The following NCKAP5 variants were observed in gnomAD, a reference collection of about 807,000 sequenced individuals.
The protein encoded by NCKAP5 is NCK associated protein 5.
Under a neutral mutation model 167.0 loss-of-function variants are expected in NCKAP5, and 92 were observed. That is an observed-to-expected ratio of 0.55 (90% CI 0.47 to 0.66). NCKAP5 has a LOEUF of 0.66. Ranked by LOEUF, NCKAP5 falls within the 30% of genes least tolerant of loss-of-function variation. NCKAP5 has a pLI of 0.00. For missense variants in NCKAP5, 2,378 were observed against 2,315.0 expected, an observed-to-expected ratio of 1.03 and a Z score of -0.56; for synonymous variants, 891 against 877.4, an observed-to-expected ratio of 1.02 and a Z score of -0.27.
At chr2:133,458,813 T>G (rs1692017094) in intron 3 of NCKAP5, among the ~76,000 whole-genome samples, 1 of 152,072 alleles carries the variant, frequency 6.6e-6, no homozygotes, top group Non-Finnish European at 1.5e-5. Flanking sequence ...CAAGCCACAG[T>G]CTGTTTAAAT....
At chr2:132,851,191 G>C (rs952337674) in intron 11 of NCKAP5, among the ~76,000 whole-genome samples, 1 of 152,032 alleles carries the variant, frequency 6.6e-6, no homozygotes, top group Admixed American at 6.6e-5. Flanking sequence ...ACATTTCCTC[G>C]GTCTCTCAAG....
chr2:132,782,943 G>T lies in NCKAP5; in HGVS notation c.3868C>A (p.Pro1290Thr). 1 of 1,614,016 alleles carries T rather than the reference G, an allele frequency of 6.2e-7. No homozygotes were observed. Among genetic ancestry groups the T allele is most frequent in the Non-Finnish European group, 8.5e-7 (1 of 1,179,900 alleles). Residue 1290 changes from proline to threonine, a missense_variant, in exon 14 of 20, where the codon CCC (proline) becomes ACC (threonine). Physicochemically the swap from Pro to Thr is conservative, Grantham distance 38 (BLOSUM62 -1). Coordinates refer to ENST00000409261, the MANE Select transcript of NCKAP5 (RefSeq NM_207363.3). The stretch of plus-strand genomic sequence containing the variant: ...CGGACTTTGCCTGACCCTTCGATGG[G>T]GGGCGTAGAAGGCTTGTCTCCTGAG... ...THSGDKPSTP[P>T]IEGSGKVRTQ...
chr2:133,413,735 A>G lies in NCKAP5; in HGVS notation c.69+103723T>C, dbSNP rs10170392. Among the ~76,000 whole-genome samples the G allele has an allele frequency of 3.8e-3, 578 of 152,236 alleles. 2 individuals carry two copies. The highest frequency in any genetic ancestry group is 6.0e-3 in the Non-Finnish European group (405 of 68,012). ...CAGGCCCACCCTGTGTTCCCACAAT[A>G]ACATGTTCTCCCGTAACAATCAGAA... On this transcript the variant is annotated intron_variant, in intron 3 of 19. Transcript: ENST00000409261.
chr2:133,129,332 G>C (rs1169678652), intron 6 of NCKAP5, among the ~76,000 whole-genome samples: 1 of 151,874 alleles, frequency 6.6e-6, no homozygotes, highest in Non-Finnish European at 1.5e-5. Flanking sequence ...ACCTATGAGT[G>C]AGAACATGTG....
intron 6 of NCKAP5, chr2:133,117,123 G>A (rs185706840): frequency 2.0e-5 from 3 of 152,112 alleles, no homozygotes; most frequent in South Asian, 2.1e-4. Context: ...AATATCTTCC[G>A]TAGAGGACTG....
intron 16 of NCKAP5, among the ~76,000 whole-genome samples, chr2:132,740,524 T>C (rs1679092702): frequency 1.3e-5 from 2 of 152,180 alleles, no homozygotes; most frequent in South Asian, 2.1e-4. Context: ...GTTTACCCCA[T>C]GGTTTTCTCC....
chr2:133,146,032 C>T (rs1559190145), intron 5 of NCKAP5, among the ~76,000 whole-genome samples: 2 of 152,036 alleles, frequency 1.3e-5, no homozygotes. Flanking sequence ...TGCAACCATA[C>T]TGCTCATGTT....
At chr2:133,302,862 CT>C (rs1680495137) in intron 4 of NCKAP5, among the ~76,000 whole-genome samples, 174 bp downstream of exon 4, 1 of 152,008 alleles carries the variant, frequency 6.6e-6, no homozygotes, top group African/African-American at 2.4e-5. Context: ...AATTTGGGCT[CT>C]AGTTTTCACA....
At chr2:133,654,592 G>A in the NCKAP5 span, among the ~76,000 whole-genome samples, 1,087 of 152,168 alleles carry the variant, frequency 7.1e-3, 13 homozygotes, top group African/African-American at 0.025. Flanking sequence ...TATGTGGCTC[G>A]TGTCTTATCT....
chr2:133,248,794 G>A (rs745961894), intron 4 of NCKAP5, among the ~76,000 whole-genome samples: 9 of 152,178 alleles, frequency 5.9e-5, no homozygotes, highest in South Asian at 2.1e-4. Flanking sequence ...TGACTGCTCC[G>A]GTTCGTTCCC....
At chr2:132,713,644 G>A (rs897781147) in intron 19 of NCKAP5, among the ~76,000 whole-genome samples, 8 of 151,950 alleles carry the variant, frequency 5.3e-5, no homozygotes, top group African/African-American at 9.7e-5. Context: ...GGAGATATCC[G>A]GGAAAGAAAC....
intron 19 of NCKAP5, among the ~76,000 whole-genome samples, chr2:132,719,025 A>T (rs2105373375): frequency 6.6e-6 from 1 of 152,312 alleles, no homozygotes; most frequent in Admixed American, 6.5e-5. Flanking sequence ...TGAACCTTAA[A>T]GATGAAGCAG....
At chr2:133,367,241 C>G (rs1685508737) in intron 3 of NCKAP5, among the ~76,000 whole-genome samples, 1 of 152,110 alleles carries the variant, frequency 6.6e-6, no homozygotes, top group Non-Finnish European at 1.5e-5. Context: ...ATCATGGAAC[C>G]TAAGAAATTA....
chr2:133,134,575 C>A (rs2082721904), intron 5 of NCKAP5, among the ~76,000 whole-genome samples: 1 of 152,182 alleles, frequency 6.6e-6, no homozygotes, highest in Non-Finnish European at 1.5e-5. Flanking sequence ...AAATACTTTT[C>A]CTATTTGGAC....
chr2:133,126,792 A>G (rs1289805160), intron 6 of NCKAP5, among the ~76,000 whole-genome samples: 6 of 152,066 alleles, frequency 3.9e-5, no homozygotes, highest in Non-Finnish European at 8.8e-5. Context: ...GGAATCTTAG[A>G]GCTAAATTAC....
chr2:133,087,802 C>T (rs2081041800), intron 6 of NCKAP5, among the ~76,000 whole-genome samples: 1 of 152,198 alleles, frequency 6.6e-6, no homozygotes, highest in Non-Finnish European at 1.5e-5. Flanking sequence ...TGTAGATGTT[C>T]AAGAGCTCCT....
In NCKAP5 at chr2:132,699,228, G is replaced by A. The variant is rs953513560; in HGVS notation, c.5714-25923C>T. On this transcript the variant is annotated intron_variant, in intron 19 of 19. Transcript: ENST00000409261. ...GATAGTAGACAGTGATATAAATCCT[G>A]ATTCTAAGTGTAAAAGGTGTCCCAC... Among the ~76,000 whole-genome samples the A allele has an allele frequency of 2.6e-5, 4 of 152,178 alleles. No individual in the cohort carries two copies. In the East Asian group the frequency reaches 7.7e-4, roughly 29 times the overall value.
intron 8 of NCKAP5, 25 bp from the exon 9 acceptor site, chr2:132,878,941 C>T (rs751039140): frequency 1.9e-5 from 30 of 1,567,464 alleles, no homozygotes; most frequent in Non-Finnish European, 2.6e-5. Flanking sequence ...AAAAATAACA[C>T]AAATAAATCA....
chr2:132,834,624 C>G (rs560555985), intron 11 of NCKAP5, among the ~76,000 whole-genome samples: 1 of 152,086 alleles, frequency 6.6e-6, no homozygotes, highest in African/African-American at 2.4e-5. Context: ...GGATTACAGG[C>G]GTGAGCCACC....
Sources: allele counts gnomAD v4.1 joint callset (sites outside exome capture counted in the v4.1 genomes callset), GRCh38; gene constraint gnomAD v4.1.1; transcripts MANE v1.5; gene names NCBI Gene and HGNC (gene_info 2026-07-23, HGNC 2026-07-21).